The following CIT variants were observed in gnomAD, a reference collection of about 807,000 sequenced individuals.
The protein encoded by CIT is citron Rho-interacting kinase.
In CIT, 79 loss-of-function variants were observed where a neutral mutation model predicts 272.7. That is an observed-to-expected ratio of 0.29 (90% CI 0.24 to 0.35). The LOEUF (loss-of-function observed/expected upper bound fraction) is 0.35. Among genes scored for constraint, CIT ranks in the 10% least tolerant of loss-of-function variants. The pLI, the probability that CIT is intolerant of heterozygous loss-of-function variation, is 1.00. For synonymous variants in CIT, 948 were observed against 995.6 expected, an observed-to-expected ratio of 0.95 and a Z score of 0.90; for missense variants, 1,909 against 2,618.3, an observed-to-expected ratio of 0.73 and a Z score of 5.91.
intron 3 of CIT, among the ~76,000 whole-genome samples, chr12:119,858,311 G>C (rs1400091421): frequency 6.6e-6 from 1 of 152,106 alleles, no homozygotes; most frequent in Non-Finnish European, 1.5e-5. Flanking sequence ...GAGGTCAGGA[G>C]ATCGAGACCA....
intron 17 of CIT, among the ~76,000 whole-genome samples, chr12:119,771,874 A>G (rs203329): frequency 0.52 from 79,104 of 151,944 alleles, 20,829 homozygotes; most frequent in Admixed American, 0.59. Flanking sequence ...ATGACACCAA[A>G]GTTTCAAGCC....
intron 9 of CIT, among the ~76,000 whole-genome samples, chr12:119,805,216 G>A (rs558863378): frequency 6.6e-6 from 1 of 152,226 alleles, no homozygotes; most frequent in Non-Finnish European, 1.5e-5. Context: ...TGGAAGCAAA[G>A]TGGTTAATGG....
chr12:119,851,367 G>A (rs1244785012), intron 4 of CIT, among the ~76,000 whole-genome samples: 1 of 152,190 alleles, frequency 6.6e-6, no homozygotes, highest in East Asian at 1.9e-4. Context: ...TGGGAGTAGT[G>A]ACACACCGGT....
At chr12:119,831,442 C>T (rs1209574721) in intron 7 of CIT, among the ~76,000 whole-genome samples, 3 of 152,110 alleles carry the variant, frequency 2.0e-5, no homozygotes, top group African/African-American at 7.2e-5. Flanking sequence ...GGCCTGAACA[C>T]CAAGAAAATT....
chr12:119,693,062 C>T (rs1398575209), intron 46 of CIT, among the ~76,000 whole-genome samples: 1 of 148,982 alleles, frequency 6.7e-6, no homozygotes, highest in African/African-American at 2.4e-5. Flanking sequence ...TATCATAAAA[C>T]AAATGAGAGG....
chr12:119,863,876 CAT>C (rs961312846), intron 3 of CIT, among the ~76,000 whole-genome samples: 1 of 151,682 alleles, frequency 6.6e-6, no homozygotes, highest in Non-Finnish European at 1.5e-5. Context: ...CTGAAGGACT[CAT>C]GTTTGCCCCT....
chr12:119,836,284 T>TAAAAAAAAAAAA (rs201559880), intron 5 of CIT, among the ~76,000 whole-genome samples: 5 of 42,262 alleles, frequency 1.2e-4, no homozygotes, highest in African/African-American at 5.1e-4. Context: ...AGACTCCATC[T>TAAAAAAAAAAAA]AAAAAAAAAA....
intron 23 of CIT, among the ~76,000 whole-genome samples, chr12:119,747,722 AAAAC>A (rs200390931): frequency 0.016 from 2,409 of 152,358 alleles, 28 homozygotes; most frequent in Non-Finnish European, 0.024. Context: ...CCGTCTCAAA[AAAAC>A]AAACAAACAA....
At chr12:119,873,264 TTTTC>T (rs1260776525) in intron 2 of CIT, among the ~76,000 whole-genome samples, 6 of 147,116 alleles carry the variant, frequency 4.1e-5, no homozygotes, top group African/African-American at 1.1e-4. Context: ...ATTTTTTTCC[TTTTC>T]TTTTTTTTTT....
Position 119,697,598 on chromosome 12 carries a change from C to T in CIT, c.5882+61G>A. On this transcript the variant is annotated intron_variant, in intron 46 of 47. Transcript: ENST00000392521. The surrounding 1 kb of genome is among the most constrained non-coding windows in gnomAD (Gnocchi z 4.9). ...ACATTCTACTGGTTTAGTATCACTTCCTTCTGCCTTGCAGAAAAGCACGTT... is the reference window on the plus strand; with the variant it reads ...ACATTCTACTGGTTTAGTATCACTTTCTTCTGCCTTGCAGAAAAGCACGTT... 2 of 1,503,066 alleles carry T rather than the reference C, an allele frequency of 1.3e-6. No individual in the cohort carries two copies. The highest frequency in any genetic ancestry group is 3.7e-5 in the Admixed American group (2 of 53,692). 93.1% of individuals were successfully genotyped at this position (1,503,066 alleles called of 1,614,324 possible).
In CIT at chr12:119,718,648, T is replaced by A; in HGVS notation, c.4003+51A>T. The A allele has an allele frequency of 6.2e-7, 1 of 1,607,980 alleles. No homozygotes were observed. Among genetic ancestry groups the A allele is most frequent in the Non-Finnish European group, 8.5e-7 (1 of 1,176,714 alleles). ...TCTTGGCTGATCTCACTGAGATCAATCCTCTGCCTTTTCCACATCCTTGAG... is the reference window on the plus strand; with the variant it reads ...TCTTGGCTGATCTCACTGAGATCAAACCTCTGCCTTTTCCACATCCTTGAG... On this transcript the variant is annotated intron_variant, in intron 31 of 47. Transcript: ENST00000392521. The surrounding 1 kb of genome is among the most constrained non-coding windows in gnomAD (Gnocchi z 4.8).
intron 24 of CIT, among the ~76,000 whole-genome samples, chr12:119,738,995 T>G (rs1471360930): frequency 6.6e-6 from 1 of 151,878 alleles, no homozygotes; most frequent in Non-Finnish European, 1.5e-5. Flanking sequence ...GAAGAAGATG[T>G]GAACCTCTCA....
chr12:119,702,638 G>C (rs1330980024), intron 41 of CIT, among the ~76,000 whole-genome samples: 1 of 151,898 alleles, frequency 6.6e-6, no homozygotes, highest in African/African-American at 2.4e-5. Flanking sequence ...AGTGGGCTGA[G>C]ATAGTGCCAT....
chr12:119,700,012 C>T (rs1956464431), intron 44 of CIT: 10 of 431,172 alleles, frequency 2.3e-5, no homozygotes, highest in South Asian at 1.3e-4. Context: ...AAGATTAGTA[C>T]AAGGATGTTC....
rs1034518213 is a variant in CIT, at chr12:119,799,369, C to T, written c.1295+3837G>A. ...AGTCCTGTAAGAAAAGTATCGCTGT[C>T]CTTCCACTTCGCAGTTGAAGAAACT... On this transcript the variant is annotated intron_variant, in intron 10 of 47. Coordinates refer to ENST00000392521, the MANE Select transcript of CIT (RefSeq NM_001206999.2). Among the ~76,000 whole-genome samples the T allele has an allele frequency of 6.6e-5, 10 of 152,312 alleles. 1 individual carries two copies. The highest frequency in any genetic ancestry group is 6.2e-4 in the South Asian group (3 of 4,822).
intron 10 of CIT, among the ~76,000 whole-genome samples, chr12:119,798,059 G>C (rs1400339295): frequency 1.3e-5 from 2 of 152,208 alleles, no homozygotes; most frequent in African/African-American, 2.4e-5. Flanking sequence ...TTCAGGGAAA[G>C]AGTATATACG....
At position 119,823,027 on chromosome 12, in the gene CIT, T is replaced by C. The variant is rs1270357329; in HGVS notation, c.958-54A>G. 7 of 1,518,832 alleles carry C rather than the reference T, an allele frequency of 4.6e-6. No homozygotes were observed. The East Asian group carries it at 1.6e-4, about 34-fold the overall frequency. 94.1% of individuals were successfully genotyped at this position (1,518,832 alleles called of 1,614,324 possible). ...TCCTTAGTAGGGATTCCGTTTCTCA[T>C]GCTGCAAAGTGAAGAAAGTATTTCT... On this transcript the variant is annotated intron_variant, in intron 8 of 47. Coordinates refer to ENST00000392521, the MANE Select transcript of CIT (RefSeq NM_001206999.2).
Position 119,768,418 on chromosome 12 carries a change from T to C in CIT, c.2209-1236A>G, listed in dbSNP as rs916653268. 6.6e-6 allele frequency among the ~76,000 whole-genome samples: 1 copy of C among 152,232 alleles called. No individual in the cohort carries two copies. Among genetic ancestry groups the C allele is most frequent in the African/African-American group, 2.4e-5 (1 of 41,458 alleles). On this transcript the variant is annotated intron_variant, in intron 18 of 47. Transcript: ENST00000392521. This position sits in a 1 kb window ranked among gnomAD's most constrained non-coding sequence, Gnocchi z 4.3. ...TCATTACTCCAAGTTTTCAACTCTTTATACTATTATGAAATTTTTCTTTGA... is the reference window on the plus strand; with the variant it reads ...TCATTACTCCAAGTTTTCAACTCTTCATACTATTATGAAATTTTTCTTTGA...
intron 23 of CIT, among the ~76,000 whole-genome samples, chr12:119,748,904 C>G (rs1456502962): frequency 2.0e-5 from 3 of 152,200 alleles, no homozygotes; most frequent in Non-Finnish European, 4.4e-5. Context: ...CATCACACAT[C>G]GTGTGCTATA....
Sources: allele counts gnomAD v4.1 joint callset (sites outside exome capture counted in the v4.1 genomes callset), GRCh38; gene constraint gnomAD v4.1.1; non-coding constraint Gnocchi (gnomAD v3.1); transcripts MANE v1.5; gene names NCBI Gene and HGNC (gene_info 2026-07-23, HGNC 2026-07-21).